Variants in PLA2G3 observed in about 807,000 individuals in gnomAD.
The protein encoded by PLA2G3 is phospholipase A2 group III, also known as group 3 secretory phospholipase A2.
A neutral mutation model predicts 51.3 loss-of-function variants in PLA2G3; 39 were observed. That is an observed-to-expected ratio of 0.76 (90% CI 0.59 to 0.99). The LOEUF (loss-of-function observed/expected upper bound fraction) is 0.99, where lower values mean the gene tolerates loss of function less well. Among genes scored for constraint, PLA2G3 ranks in the 50% least tolerant of loss-of-function variants. The pLI, the probability that PLA2G3 is intolerant of heterozygous loss-of-function variation, is 0.00. For missense variants in PLA2G3, 677 were observed against 662.1 expected, an observed-to-expected ratio of 1.02 and a Z score of -0.25; for synonymous variants, 293 against 263.1, an observed-to-expected ratio of 1.11 and a Z score of -1.10.
At position 31,138,748 on chromosome 22, in the gene PLA2G3, T is replaced by C; in HGVS notation, c.566A>G (p.Gln189Arg). The C allele has an allele frequency of 6.2e-7, 1 of 1,614,138 alleles. No individual in the cohort carries two copies. The highest frequency in any genetic ancestry group is 1.3e-5 in the African/African-American group (1 of 75,044). The change falls in exon 2 of 7, where the codon CAG (glutamine) becomes CGG (arginine). Residue 189 changes from glutamine (Q) to arginine (R), a missense_variant. Coordinates refer to ENST00000215885, the MANE Select transcript of PLA2G3 (RefSeq NM_015715.5). ...GTTGTACTGCAAGGGTGAGATGTTC[T>C]GTGGGCAGCGGTCATGTTCCCGGCA... ...LCCREHDRCP[Q>R]NISPLQYNYG...
In PLA2G3 at chr22:31,137,696, G is replaced by C; in HGVS notation, c.1066+14C>G. The C allele has an allele frequency of 1.3e-6, 2 of 1,578,644 alleles. No homozygotes were observed. The highest frequency in any genetic ancestry group is 1.7e-6 in the Non-Finnish European group (2 of 1,166,596). On this transcript the variant is annotated intron_variant, in intron 4 of 6. Transcript: ENST00000215885. ...CTCATGTCAGGAACCCCCAAGGTTA[G>C]GTTCTGAGCTCACCCTGAGGTTTTA... is the stretch of plus-strand genomic sequence containing the variant.
chr22:31,137,938 T>C lies in PLA2G3; in HGVS notation c.838A>G (p.Asn280Asp). ...GTGGCCCGGGAGCTCCAGGAGGCATTGTAGAAGGTCCTGGGCTGCAGGCGA... is the reference window on the plus strand; with the variant it reads ...GTGGCCCGGGAGCTCCAGGAGGCATCGTAGAAGGTCCTGGGCTGCAGGCGA... The part of the protein sequence containing the change: ...LARLQPRTFY[N>D]ASWSSRATSP... Residue 280 changes from asparagine to aspartate, a missense_variant, in exon 4 of 7, where the codon AAT becomes GAT. By Grantham distance (23) the Asn-to-Asp change is conservative. Transcript: ENST00000215885. The C allele has an allele frequency of 6.2e-7, 1 of 1,610,654 alleles. No homozygotes were observed. Among genetic ancestry groups the C allele is most frequent in the Non-Finnish European group, 8.5e-7 (1 of 1,178,394 alleles).
Position 31,136,897 on chromosome 22 carries a change from A to G in PLA2G3, c.1199+11T>C. ...GGCAGCCCACCCCGCGAGGGTTCAA[A>G]GGGGCCTCACCGGCGCGTGCAGTTG... On this transcript the variant is annotated intron_variant, in intron 5 of 6. Transcript: ENST00000215885. The G allele has an allele frequency of 6.2e-7, 1 of 1,608,782 alleles. No individual in the cohort carries two copies. Among genetic ancestry groups the G allele is most frequent in the Non-Finnish European group, 8.5e-7 (1 of 1,178,102 alleles).
Position 31,140,454 on chromosome 22 carries a change from G to T in PLA2G3, c.-100C>A. 7.3e-7 allele frequency: 1 copy of T among 1,377,608 alleles called. No homozygotes were observed. Among genetic ancestry groups the T allele is most frequent in the African/African-American group, 1.4e-5 (1 of 69,048 alleles). The allele number at this position is 1,377,608 out of a possible 1,614,324, so 85.3% of individuals were successfully genotyped here. ...AGCAGTGGAACGGAAGCGGAGCCCA[G>T]CAGGCCCGGTGCGGCGGGACCAATG... On this transcript the variant is annotated 5_prime_UTR_variant, in exon 1 of 7. It adds an upstream start codon to the 5' untranslated region. Coordinates refer to ENST00000215885, the MANE Select transcript of PLA2G3 (RefSeq NM_015715.5).
In PLA2G3 at chr22:31,139,998, T is replaced by C; in HGVS notation, c.357A>G (p.Arg119=). 2 of 1,613,782 alleles carry C rather than the reference T, an allele frequency of 1.2e-6. No homozygotes were observed. Among genetic ancestry groups the C allele is most frequent in the Non-Finnish European group, 1.7e-6 (2 of 1,180,020 alleles). Residue 119 remains arginine, a synonymous_variant, in exon 1 of 7, where the codon CGA becomes CGG. Coordinates refer to ENST00000215885, the MANE Select transcript of PLA2G3 (RefSeq NM_015715.5). ...ATLQSQWEAC[R]ALEESPAGAR... is the part of the protein sequence containing the mutation. ...CCCCTGCTGGACTCTCCTCAAGCGC[T>C]CGGCATGCCTCCCACTGACTCTGAA...
At chr22:31,136,444 A>T (rs752916106) in intron 6 of PLA2G3, among the ~76,000 whole-genome samples, 48 of 152,182 alleles carry the variant, frequency 3.2e-4, no homozygotes, top group Non-Finnish European at 1.8e-4. Flanking sequence ...AAACTTGGAA[A>T]GGTGAACCAG....
chr22:31,139,721 G>A, intron 1 of PLA2G3, 120 bp downstream of exon 1: 1 of 660,920 alleles, frequency 1.5e-6, no homozygotes, highest in Middle Eastern at 3.7e-4. Context: ...AGGAAATTGA[G>A]GTTCACCATG....
intron 6 of PLA2G3, among the ~76,000 whole-genome samples, chr22:31,136,290 C>G (rs3788427): frequency 3.3e-5 from 5 of 152,044 alleles, no homozygotes; most frequent in African/African-American, 7.2e-5. Flanking sequence ...GAGGATCGCT[C>G]GAGTCCAGAA....
At chr22:31,139,816 A>G in intron 1 of PLA2G3, 25 bp downstream of exon 1, 7 of 1,560,358 alleles carry the variant, frequency 4.5e-6, no homozygotes, top group South Asian at 1.1e-5. Context: ...CGGACCCCCC[A>G]GCCCACACAC....
intron 6 of PLA2G3, 64 bp downstream of exon 6, chr22:31,136,619 G>A (rs537304894): frequency 2.3e-6 from 3 of 1,316,266 alleles, no homozygotes; most frequent in African/African-American, 2.9e-5. Flanking sequence ...AGCATTCAAA[G>A]TGGGTATAGG....
At chr22:31,139,772 AG>A (rs1255012326) in intron 1 of PLA2G3, 68 bp downstream of exon 1, 2 of 1,100,674 alleles carry the variant, frequency 1.8e-6, no homozygotes, top group Non-Finnish European at 2.7e-6. Flanking sequence ...TAGGAGAGTA[AG>A]GGCTGGGGCT....
chr22:31,138,234 C>A, intron 3 of PLA2G3, 42 bp downstream of exon 3: 1 of 1,603,472 alleles, frequency 6.2e-7, no homozygotes, highest in Non-Finnish European at 8.5e-7. Flanking sequence ...AGCCTGGGCT[C>A]CCTCTCTGTC....
chr22:31,137,657 A>G lies in PLA2G3; in HGVS notation c.1066+53T>C, dbSNP rs1922653210. On this transcript the variant is annotated intron_variant, in intron 4 of 6. Transcript: ENST00000215885. ...CAACACATGGCCACCCCTAAACAGAAGCAGGGACACCCCCTCATGTCAGGA... is the reference window on the plus strand; with the variant it reads ...CAACACATGGCCACCCCTAAACAGAGGCAGGGACACCCCCTCATGTCAGGA... 2.0e-6 allele frequency: 3 copies of G among 1,506,536 alleles called. No individual in the cohort carries two copies. In the African/African-American group the frequency reaches 4.2e-5, roughly 21 times the overall value. 93.3% of individuals were successfully genotyped at this position (1,506,536 alleles called of 1,614,324 possible).
At chr22:31,138,628 C>T in intron 2 of PLA2G3, 39 bp downstream of exon 2, 5 of 1,613,074 alleles carry the variant, frequency 3.1e-6, no homozygotes, top group Admixed American at 1.7e-5. Context: ...TAACTCTGCC[C>T]TGTCCCTGAG....
Position 31,137,706 on chromosome 22 carries a change from T to A in PLA2G3, c.1066+4A>T. ...GAACCCCCAAGGTTAGGTTCTGAGC[T>A]CACCCTGAGGTTTTAGGCCACCCTG... On this transcript the variant is annotated splice_donor_region_variant and intron_variant, in intron 4 of 6. Coordinates refer to ENST00000215885, the MANE Select transcript of PLA2G3 (RefSeq NM_015715.5). 1 of 1,595,868 alleles carries A rather than the reference T, an allele frequency of 6.3e-7. No individual in the cohort carries two copies. The highest frequency in any genetic ancestry group is 1.8e-5 in the Admixed American group (1 of 56,198).
At chr22:31,139,693 GC>G (rs1175725738) in intron 1 of PLA2G3, 147 bp downstream of exon 1, 7 of 616,476 alleles carry the variant, frequency 1.1e-5, no homozygotes, top group Non-Finnish European at 1.4e-5. Context: ...ATTCGTGATT[GC>G]CCCCACTTTA....
intron 6 of PLA2G3, among the ~76,000 whole-genome samples, chr22:31,136,295 C>G (rs531312437): frequency 6.6e-6 from 1 of 152,268 alleles, no homozygotes; most frequent in South Asian, 2.1e-4. Context: ...TCGCTCGAGT[C>G]CAGAAGTTCA....
chr22:31,135,847 G>A lies in PLA2G3; in HGVS notation c.1406C>T (p.Thr469Ile). 10 of 1,613,990 alleles carry A rather than the reference G, an allele frequency of 6.2e-6. No individual in the cohort carries two copies. Among genetic ancestry groups the A allele is most frequent in the Non-Finnish European group, 7.6e-6 (9 of 1,180,042 alleles). Residue 469 changes from threonine to isoleucine, a missense_variant, in exon 7 of 7, where the codon ACA (threonine) becomes ATA (isoleucine). Thr to Ile is a moderately conservative substitution (Grantham distance 89). Transcript: ENST00000215885. Reference sequence around the variant, plus strand: ...TGAAGGCCATGGCTGCCTCTCATCTGTGCCTTTATCCTGGAGCTGGTGTCG... The same window carrying A: ...TGAAGGCCATGGCTGCCTCTCATCTATGCCTTTATCCTGGAGCTGGTGTCG... ...QRRHQLQDKG[T>I]DERQPWPSEP... is the part of the protein sequence containing the mutation.
At position 31,136,812 on chromosome 22, in the gene PLA2G3, G is replaced by A. The variant is rs1446096981; in HGVS notation, c.1200-13C>T. The stretch of plus-strand genomic sequence containing the variant: ...GAAGCGTGCCAGACTGAGAACAGAG[G>A]CAGGCTCAGGCCGGGGCAGGGCCTT... On this transcript the variant is annotated splice_polypyrimidine_tract_variant and intron_variant, in intron 5 of 6. Coordinates refer to ENST00000215885, the MANE Select transcript of PLA2G3 (RefSeq NM_015715.5). The A allele has an allele frequency of 1.2e-6, 2 of 1,606,238 alleles. No individual in the cohort carries two copies. The highest frequency in any genetic ancestry group is 2.7e-5 in the African/African-American group (2 of 74,488).
Sources: gnomAD v4.1 joint callset for allele counts (sites outside exome capture counted in the v4.1 genomes callset) on GRCh38, gnomAD v4.1.1 for gene constraint, MANE v1.5 for transcripts, NCBI Gene and HGNC (gene_info 2026-07-23, HGNC 2026-07-21) for gene names.